Variants in GPC6 observed in about 807,000 individuals in gnomAD.
GPC6 encodes glypican-6.
A neutral mutation model predicts 55.2 loss-of-function variants in GPC6; 14 were observed. The observed-to-expected ratio is 0.25, with a 90% CI of 0.17 to 0.40. The LOEUF is 0.40. GPC6 is among the 10% of genes least tolerant of loss of function. GPC6 has a pLI of 1.00. For missense variants in GPC6, 641 were observed against 708.5 expected (o/e 0.90, Z 1.08); for synonymous variants, 278 against 259.6 (o/e 1.07, Z -0.68).
chr13:94,067,689 T>C lies in GPC6; in HGVS notation c.877+39795T>C, dbSNP rs905180305. The stretch of plus-strand genomic sequence containing the variant: ...GATATTTGTGTTTGTATCCATATAT[T>C]CTGGCAATCATTAGAATATGAAGCA... On this transcript the variant is annotated intron_variant, in intron 4 of 8. Coordinates refer to ENST00000377047, the MANE Select transcript of GPC6 (RefSeq NM_005708.5). 3.9e-5 allele frequency among the ~76,000 whole-genome samples: 6 copies of C among 152,258 alleles called. No homozygotes were observed. The East Asian group carries it at 1.2e-3, about 29-fold the overall frequency.
chr13:93,799,277 A>G (rs1004421325), intron 2 of GPC6, among the ~76,000 whole-genome samples: 2 of 152,204 alleles, frequency 1.3e-5, no homozygotes, highest in African/African-American at 4.8e-5. Flanking sequence ...CATTGGCTTC[A>G]TGAACTCCCC....
intron 3 of GPC6, among the ~76,000 whole-genome samples, chr13:93,977,467 G>GGT (rs4001797): frequency 0.024 from 3,315 of 137,290 alleles, 49 homozygotes; most frequent in African/African-American, 0.037. Flanking sequence ...GATGACAAGG[G>GGT]GTGTGTGTGT....
chr13:93,488,656 G>A (rs1195090036), intron 1 of GPC6, among the ~76,000 whole-genome samples: 5 of 152,098 alleles, frequency 3.3e-5, no homozygotes, highest in Admixed American at 2.6e-4. Context: ...TTTAATGATC[G>A]CCATTCTAAC....
rs148176479 is a variant in GPC6 at position 93,834,985 on chromosome 13, C to T, written c.711+4440C>T. On this transcript the variant is annotated intron_variant, in intron 3 of 8. Transcript: ENST00000377047. ...AGTGAGTGGAAACATGGATACCAGC[C>T]GTCACTCTGAAGGCTTGTCAGACAT... Among the ~76,000 whole-genome samples the T allele has an allele frequency of 3.8e-3, 582 of 152,238 alleles. 3 individuals are homozygous for T. The highest frequency in any genetic ancestry group is 0.014 in the African/African-American group (565 of 41,542).
intron 2 of GPC6, among the ~76,000 whole-genome samples, chr13:93,708,356 A>G (rs1437204243): frequency 7.9e-5 from 12 of 151,726 alleles, no homozygotes; most frequent in Admixed American, 7.9e-4. Context: ...TCTGGCAATT[A>G]TCTGCTGGCA....
At chr13:93,382,899 C>G (rs892024234) in intron 1 of GPC6, among the ~76,000 whole-genome samples, 7 of 152,152 alleles carry the variant, frequency 4.6e-5, no homozygotes, top group East Asian at 1.9e-4. Flanking sequence ...GGCGGTTTCT[C>G]TCTACACACA....
At chr13:93,594,909 C>G (rs1019729657) in intron 2 of GPC6, among the ~76,000 whole-genome samples, 2 of 151,632 alleles carry the variant, frequency 1.3e-5, no homozygotes, top group African/African-American at 4.8e-5. Context: ...AATCATCTTC[C>G]AAAATACACC....
intron 1 of GPC6, among the ~76,000 whole-genome samples, chr13:93,421,035 T>A (rs1876902997): frequency 6.6e-6 from 1 of 151,974 alleles, no homozygotes. Context: ...GGGCCTAAGA[T>A]GAGAGCACGC....
intron 1 of GPC6, among the ~76,000 whole-genome samples, chr13:93,335,987 G>A (rs1489337539): frequency 6.6e-6 from 1 of 152,188 alleles, no homozygotes; most frequent in Non-Finnish European, 1.5e-5. Flanking sequence ...CTTACAAAAT[G>A]TTAATTGATG....
intron 2 of GPC6, among the ~76,000 whole-genome samples, chr13:93,579,146 TTAGA>T (rs1401835973): frequency 6.6e-6 from 1 of 151,984 alleles, no homozygotes; most frequent in Non-Finnish European, 1.5e-5. Flanking sequence ...AAATATACAG[TTAGA>T]TAGAAGAAAT....
chr13:93,554,511 A>G (rs1436999880), intron 2 of GPC6, among the ~76,000 whole-genome samples: 1 of 152,208 alleles, frequency 6.6e-6, no homozygotes, highest in Non-Finnish European at 1.5e-5. Flanking sequence ...TGTAAGCCAT[A>G]TGGACATCAA....
At chr13:93,342,444 A>G (rs1260744761) in intron 1 of GPC6, among the ~76,000 whole-genome samples, 1 of 152,112 alleles carries the variant, frequency 6.6e-6, no homozygotes, top group Non-Finnish European at 1.5e-5. Context: ...ACTGCCCTTT[A>G]TGAAACCATG....
intron 4 of GPC6, among the ~76,000 whole-genome samples, chr13:94,146,748 G>C (rs1887575639): frequency 6.6e-6 from 1 of 152,082 alleles, no homozygotes; most frequent in African/African-American, 2.4e-5. Flanking sequence ...TATATCAAAA[G>C]TGATACCAAA....
intron 3 of GPC6, among the ~76,000 whole-genome samples, chr13:94,001,995 T>G (rs1200853514): frequency 6.6e-6 from 1 of 152,060 alleles, no homozygotes; most frequent in Non-Finnish European, 1.5e-5. Context: ...GTTTGCTTAT[T>G]GGTGCTTGTT....
chr13:93,627,501 G>A (rs1032713854), intron 2 of GPC6, among the ~76,000 whole-genome samples: 3 of 152,076 alleles, frequency 2.0e-5, no homozygotes, highest in South Asian at 4.1e-4. Flanking sequence ...GATTTAGGTC[G>A]GGTCACAGAT....
intron 1 of GPC6, among the ~76,000 whole-genome samples, chr13:93,482,489 T>C (rs1018160005): frequency 2.0e-5 from 3 of 152,172 alleles, no homozygotes; most frequent in Admixed American, 2.0e-4. Context: ...AATCTGTTCA[T>C]AGAGGATCCT....
intron 3 of GPC6, among the ~76,000 whole-genome samples, chr13:93,940,830 G>C (rs983973839): frequency 2.0e-5 from 3 of 152,122 alleles, no homozygotes; most frequent in African/African-American, 7.2e-5. Context: ...GAAATAAGAA[G>C]ATGCCTGAGA....
chr13:93,994,021 G>C (rs928457771), intron 3 of GPC6, among the ~76,000 whole-genome samples: 5 of 152,110 alleles, frequency 3.3e-5, no homozygotes, highest in Non-Finnish European at 4.4e-5. Context: ...GGCCACAGCA[G>C]CCTACTACAG....
chr13:93,834,972 C>T (rs914503440), intron 3 of GPC6, among the ~76,000 whole-genome samples: 2 of 152,170 alleles, frequency 1.3e-5, no homozygotes, highest in African/African-American at 4.8e-5. Flanking sequence ...TGAGTGGAAA[C>T]ATGGATACCA....
Sources: gnomAD v4.1 joint callset for allele counts (sites outside exome capture counted in the v4.1 genomes callset) on GRCh38, gnomAD v4.1.1 for gene constraint, MANE v1.5 for transcripts, NCBI Gene and HGNC (gene_info 2026-07-23, HGNC 2026-07-21) for gene names.